Variants in VSNL1 observed in about 807,000 individuals in gnomAD.
The protein encoded by VSNL1 is visinin-like protein 1.
Under a neutral mutation model 20.4 loss-of-function variants are expected in VSNL1, and 6 were observed. That is an observed-to-expected ratio of 0.29 (90% CI 0.16 to 0.58). VSNL1 has a LOEUF of 0.58. Ranked by LOEUF, VSNL1 falls within the 20% of genes least tolerant of loss-of-function variation. The pLI is 0.90. For missense variants in VSNL1, 100 were observed against 234.5 expected (o/e 0.43, Z 3.75); for synonymous variants, 93 against 86.4 (o/e 1.08, Z -0.42).
chr2:17,578,616 T>G (rs1307633830), intron 1 of VSNL1, among the ~76,000 whole-genome samples: 3 of 152,208 alleles, frequency 2.0e-5, no homozygotes, highest in African/African-American at 4.8e-5. Context: ...ATGCTACCTG[T>G]GCTCTCAGAA....
intron 2 of VSNL1, among the ~76,000 whole-genome samples, chr2:17,616,579 A>G (rs1426719939): frequency 6.6e-6 from 1 of 152,176 alleles, no homozygotes; most frequent in Non-Finnish European, 1.5e-5. Context: ...TTGCTTCCTA[A>G]ACAGCCAAGC....
intron 1 of VSNL1, among the ~76,000 whole-genome samples, chr2:17,554,978 A>G (rs572822743): frequency 6.6e-6 from 1 of 152,302 alleles, no homozygotes; most frequent in South Asian, 2.1e-4. Flanking sequence ...ATATATGAAC[A>G]AGGTTTAGCT....
chr2:17,572,376 A>G (rs572629750), intron 1 of VSNL1, among the ~76,000 whole-genome samples: 2 of 152,300 alleles, frequency 1.3e-5, no homozygotes, highest in East Asian at 3.9e-4. Context: ...ATATGTAAAT[A>G]AGACCCGGTT....
chr2:17,622,536 G>GAAAGAAAGA, intron 2 of VSNL1, among the ~76,000 whole-genome samples: 1 of 19,552 alleles, frequency 5.1e-5, no homozygotes, highest in African/African-American at 4.8e-4. Context: ...AGAAAGAAAA[G>GAAAGAAAGA]AAAGAAAGAA....
intron 1 of VSNL1, among the ~76,000 whole-genome samples, chr2:17,583,726 C>G (rs954509685): frequency 6.6e-6 from 1 of 152,200 alleles, no homozygotes; most frequent in Non-Finnish European, 1.5e-5. Context: ...TTTCCTCAGT[C>G]AGGTCGGATA....
At chr2:17,623,152 T>A (rs939224224) in intron 2 of VSNL1, among the ~76,000 whole-genome samples, 1 of 152,130 alleles carries the variant, frequency 6.6e-6, no homozygotes, top group African/African-American at 2.4e-5. Context: ...AAATACTTCA[T>A]AATTATATCA....
In VSNL1 at chr2:17,588,971, T is replaced by A. The variant is rs149405380; in HGVS notation, c.-5-3099T>A. ...AAAATAAATAAATAATAGTCCTCTC[T>A]CTCAAGAAACCATAATAACAATCCA... is the stretch of plus-strand genomic sequence containing the variant. On this transcript the variant is annotated intron_variant, in intron 1 of 3. Transcript: ENST00000295156. Among the ~76,000 whole-genome samples the A allele has an allele frequency of 3.4e-3, 516 of 152,290 alleles. 7 individuals carry two copies. In the South Asian group the frequency reaches 0.042, roughly 12 times the overall value.
At chr2:17,607,357 C>T (rs527265381) in intron 2 of VSNL1, among the ~76,000 whole-genome samples, 1 of 152,286 alleles carries the variant, frequency 6.6e-6, no homozygotes, top group African/African-American at 2.4e-5. Context: ...TTTGTCTCCA[C>T]CTCCTACTTT....
chr2:17,572,446 T>A (rs1226181623), intron 1 of VSNL1, among the ~76,000 whole-genome samples: 1 of 151,172 alleles, frequency 6.6e-6, no homozygotes, highest in Non-Finnish European at 1.5e-5. Context: ...AGACTAGGGG[T>A]CTCTAGTCTT....
At chr2:17,645,738 A>C (rs1226101683) in intron 2 of VSNL1, among the ~76,000 whole-genome samples, 1 of 152,232 alleles carries the variant, frequency 6.6e-6, no homozygotes, top group Non-Finnish European at 1.5e-5. Context: ...TGGTTAAACC[A>C]TGCAAAGACT....
chr2:17,618,933 A>G lies in VSNL1; in HGVS notation c.162+26697A>G, dbSNP rs113298874. On this transcript the variant is annotated intron_variant, in intron 2 of 3. Coordinates refer to ENST00000295156, the MANE Select transcript of VSNL1 (RefSeq NM_003385.5). ...AAAATTCCCCCAGCACTTTGGTCCT[A>G]CTGCTGCTTGTAATCATTCTCTCAT... is the stretch of plus-strand genomic sequence containing the variant. Among the ~76,000 whole-genome samples, 1,327 of 152,236 alleles carry G rather than the reference A, an allele frequency of 8.7e-3. 15 individuals are homozygous for G. Among genetic ancestry groups the G allele is most frequent in the Non-Finnish European group, 0.014 (980 of 68,002 alleles).
chr2:17,549,466 C>A (rs1663477031), intron 1 of VSNL1, among the ~76,000 whole-genome samples: 1 of 151,976 alleles, frequency 6.6e-6, no homozygotes, highest in Non-Finnish European at 1.5e-5. Flanking sequence ...TAGTTTTAAG[C>A]AAAATATTTA....
rs576001378 is a variant in VSNL1, at chr2:17,625,091, G to GGTTTT, written c.163-24318_163-24314dup. 2.6e-3 allele frequency among the ~76,000 whole-genome samples: 401 copies of GGTTTT among 152,242 alleles called. 3 individuals are homozygous for GGTTTT. The highest frequency in any genetic ancestry group is 3.0e-3 in the Non-Finnish European group (206 of 68,012). On this transcript the variant is annotated intron_variant, in intron 2 of 3. Transcript: ENST00000295156. ...GTGAATAAGTCTCACGAGCTCTGATGGTTTTATCAGGGGTTTCCGCTTTTG... is the reference window on the plus strand; with the variant it reads ...GTGAATAAGTCTCACGAGCTCTGATGGTTTTGTTTTATCAGGGGTTTCCGCTTTTG...
Position 17,634,598 on chromosome 2 carries a change from C to T in VSNL1, c.163-14812C>T, listed in dbSNP as rs550098378. ...GAGGCAAAGCTTAGCTGTGCCCCTT[C>T]CCGTCCCCTGACACCCTCATCTCTC... is the stretch of plus-strand genomic sequence containing the variant. On this transcript the variant is annotated intron_variant, in intron 2 of 3. Coordinates refer to ENST00000295156, the MANE Select transcript of VSNL1 (RefSeq NM_003385.5). The surrounding 1 kb of genome is among the most constrained non-coding windows in gnomAD (Gnocchi z 4.3). Among the ~76,000 whole-genome samples the T allele has an allele frequency of 6.6e-6, 1 of 152,302 alleles. No individual in the cohort carries two copies. Among genetic ancestry groups the T allele is most frequent in the South Asian group, 2.1e-4 (1 of 4,820 alleles).
Position 17,655,408 on chromosome 2 carries a change from C to G in VSNL1, c.*14C>G. Reference sequence around the variant, plus strand: ...ATCCAGAAATGAGCTGATGTCAATGCTATGGACTGCACAAAAGTCTCAATG... The same window carrying G: ...ATCCAGAAATGAGCTGATGTCAATGGTATGGACTGCACAAAAGTCTCAATG... On this transcript the variant is annotated 3_prime_UTR_variant, in exon 4 of 4. Coordinates refer to ENST00000295156, the MANE Select transcript of VSNL1 (RefSeq NM_003385.5). The surrounding 1 kb of genome is among the most constrained non-coding windows in gnomAD (Gnocchi z 5.2). 2 of 1,564,978 alleles carry G rather than the reference C, an allele frequency of 1.3e-6. No individual in the cohort carries two copies. Among genetic ancestry groups the G allele is most frequent in the Non-Finnish European group, 1.7e-6 (2 of 1,148,958 alleles).
At chr2:17,558,664 TG>T (rs1247372716) in intron 1 of VSNL1, among the ~76,000 whole-genome samples, 3 of 152,206 alleles carry the variant, frequency 2.0e-5, no homozygotes, top group African/African-American at 7.2e-5. Context: ...ACTGTCTCCC[TG>T]TAATAGTCAA....
intron 1 of VSNL1, among the ~76,000 whole-genome samples, chr2:17,580,586 C>G (rs1291656496): frequency 2.6e-5 from 4 of 152,144 alleles, no homozygotes; most frequent in Non-Finnish European, 4.4e-5. Flanking sequence ...AAGTCTGTGT[C>G]CTCTTTGAAC....
chr2:17,585,309 G>A (rs1664444092), intron 1 of VSNL1, among the ~76,000 whole-genome samples: 1 of 151,762 alleles, frequency 6.6e-6, no homozygotes, highest in Non-Finnish European at 1.5e-5. Context: ...GGGGGCTTGT[G>A]AGTACTTGGC....
At chr2:17,632,345 G>A (rs961191907) in intron 2 of VSNL1, among the ~76,000 whole-genome samples, 5 of 151,968 alleles carry the variant, frequency 3.3e-5, no homozygotes, top group African/African-American at 9.7e-5. Context: ...CTGTCGCCCA[G>A]GCTGGAGTGC....
Sources: allele counts gnomAD v4.1 joint callset (sites outside exome capture counted in the v4.1 genomes callset), GRCh38; gene constraint gnomAD v4.1.1; non-coding constraint Gnocchi (gnomAD v3.1); transcripts MANE v1.5; gene names NCBI Gene and HGNC (gene_info 2026-07-23, HGNC 2026-07-21).